NRG3: variants seen among roughly 807,000 people sequenced by gnomAD.
NRG3 encodes pro-neuregulin-3, membrane-bound isoform.
In NRG3, 31 loss-of-function variants were observed where a neutral mutation model predicts 66.9. The ratio of observed to expected loss-of-function variants is 0.46; its 90% CI spans 0.35 to 0.63. The LOEUF is 0.63. Among genes scored for constraint, NRG3 ranks in the 20% least tolerant of loss-of-function variants. The pLI is 0.00. For missense variants in NRG3, 910 were observed against 878.9 expected, an observed-to-expected ratio of 1.04 and a Z score of -0.45; for synonymous variants, 393 against 359.4, an observed-to-expected ratio of 1.09 and a Z score of -1.06.
chr10:82,449,308 CAT>C (rs541904453), intron 2 of NRG3, among the ~76,000 whole-genome samples: 152 of 152,260 alleles, frequency 1.0e-3, no homozygotes, highest in African/African-American at 3.4e-3. Flanking sequence ...TTTTGCAAAA[CAT>C]AAAGTCAGCT....
intron 8 of NRG3, chr10:82,984,878 TCA>T (rs1252055715): frequency 1.4e-6 from 2 of 1,398,624 alleles, no homozygotes; most frequent in Non-Finnish European, 2.0e-6. Context: ...GGTTTGAGTC[TCA>T]GTCTGTCACT....
chr10:81,923,179 A>G (rs1349805736), intron 1 of NRG3, among the ~76,000 whole-genome samples: 4 of 150,950 alleles, frequency 2.6e-5, no homozygotes, highest in Non-Finnish European at 5.9e-5. Context: ...TTCACTTTAA[A>G]ATCATCTTTC....
At chr10:82,358,714 T>C (rs779901106) in intron 1 of NRG3, 25 bp from the exon 2 acceptor site, 1 of 1,613,802 alleles carries the variant, frequency 6.2e-7, no homozygotes, top group Non-Finnish European at 8.5e-7. Context: ...GCTGACAGCG[T>C]TTCCCCCTGT....
chr10:82,966,244 C>A (rs964742950), intron 6 of NRG3, among the ~76,000 whole-genome samples: 1 of 152,140 alleles, frequency 6.6e-6, no homozygotes, highest in Non-Finnish European at 1.5e-5. Context: ...GTTCTAATCC[C>A]AGGTACCGCA....
intron 1 of NRG3, among the ~76,000 whole-genome samples, chr10:82,290,072 A>G (rs11193507): frequency 0.15 from 22,268 of 152,136 alleles, 3,709 homozygotes; most frequent in African/African-American, 0.4. Flanking sequence ...CTCTAACTAC[A>G]AACTCCCCCT....
intron 1 of NRG3, among the ~76,000 whole-genome samples, chr10:82,348,519 C>G (rs2083189335): frequency 6.7e-6 from 1 of 149,740 alleles, no homozygotes; most frequent in Non-Finnish European, 1.5e-5. Flanking sequence ...TTCATTTCAA[C>G]TTTGGTGAAT....
chr10:82,258,653 T>C (rs537342247), intron 1 of NRG3, among the ~76,000 whole-genome samples: 95 of 152,298 alleles, frequency 6.2e-4, no homozygotes, highest in African/African-American at 2.1e-3. Flanking sequence ...AAAAGACACA[T>C]CGAGTGCCAG....
chr10:82,382,094 A>G (rs1019363588), intron 2 of NRG3, among the ~76,000 whole-genome samples: 29 of 152,046 alleles, frequency 1.9e-4, no homozygotes, highest in African/African-American at 6.3e-4. Flanking sequence ...TTTTAAAAAC[A>G]TATTTTCCTG....
chr10:82,893,957 G>A (rs1843412206), intron 4 of NRG3, among the ~76,000 whole-genome samples: 1 of 152,072 alleles, frequency 6.6e-6, no homozygotes, highest in Admixed American at 6.6e-5. Context: ...GACAAAAGTT[G>A]GTTATTAAAA....
At chr10:82,506,119 G>A (rs1251883982) in intron 2 of NRG3, among the ~76,000 whole-genome samples, 3 of 152,266 alleles carry the variant, frequency 2.0e-5, no homozygotes, top group Admixed American at 6.5e-5. Flanking sequence ...ATGGTGGCAC[G>A]TGCCTGTAAC....
At chr10:82,890,370 T>G (rs1451162523) in intron 4 of NRG3, among the ~76,000 whole-genome samples, 1 of 152,084 alleles carries the variant, frequency 6.6e-6, no homozygotes, top group African/African-American at 2.4e-5. Context: ...CTCAAAACCA[T>G]AACCAAAACA....
chr10:82,404,753 G>T (rs917623141), intron 2 of NRG3, among the ~76,000 whole-genome samples: 2 of 152,024 alleles, frequency 1.3e-5, no homozygotes, highest in African/African-American at 4.8e-5. Context: ...AATCTTATGG[G>T]GTCTGAGTTA....
intron 4 of NRG3, among the ~76,000 whole-genome samples, chr10:82,890,087 A>T (rs1321777121): frequency 1.3e-5 from 2 of 151,310 alleles, no homozygotes; most frequent in Non-Finnish European, 2.9e-5. Context: ...TGCTATGGGA[A>T]CCTTATTAGA....
intron 2 of NRG3, among the ~76,000 whole-genome samples, chr10:82,512,671 T>C (rs908281692): frequency 1.3e-5 from 2 of 152,230 alleles, no homozygotes; most frequent in Non-Finnish European, 2.9e-5. Flanking sequence ...ACTCCTTCAT[T>C]GCATGCTATT....
At chr10:81,996,381 A>G (rs541088542) in intron 1 of NRG3, among the ~76,000 whole-genome samples, 5 of 152,288 alleles carry the variant, frequency 3.3e-5, no homozygotes, top group South Asian at 2.1e-4. Flanking sequence ...CAAATGGCTT[A>G]TGGAGCTCTA....
intron 1 of NRG3, among the ~76,000 whole-genome samples, chr10:82,264,594 A>G (rs2078205183): frequency 6.6e-6 from 1 of 152,192 alleles, no homozygotes; most frequent in Non-Finnish European, 1.5e-5. Flanking sequence ...ACATGGAGTA[A>G]AGGGAAGAAT....
At chr10:82,957,463 T>C (rs898857569) in intron 5 of NRG3, among the ~76,000 whole-genome samples, 2 of 151,878 alleles carry the variant, frequency 1.3e-5, no homozygotes, top group Admixed American at 6.6e-5. Context: ...ATGATTCTAC[T>C]GGGAAAGTTG....
chr10:82,754,850 G>A lies in NRG3; in HGVS notation c.1027+16200G>A, dbSNP rs542021396. The stretch of plus-strand genomic sequence containing the variant: ...CTCATTACTGGTGTGTAATATCATG[G>A]TACCAGACATTACTAATATGTAAGG... On this transcript the variant is annotated intron_variant, in intron 3 of 8. Coordinates refer to ENST00000372141, the MANE Select transcript of NRG3 (RefSeq NM_001010848.4). 2.6e-5 allele frequency among the ~76,000 whole-genome samples: 4 copies of A among 152,190 alleles called. No individual in the cohort carries two copies. In the South Asian group the frequency reaches 8.3e-4, roughly 32 times the overall value.
intron 1 of NRG3, among the ~76,000 whole-genome samples, chr10:82,240,379 A>G (rs2076955989): frequency 6.6e-6 from 1 of 151,946 alleles, no homozygotes; most frequent in Non-Finnish European, 1.5e-5. Flanking sequence ...AGATACATAT[A>G]AAATGCATGT....
Sources: gnomAD v4.1 joint callset for allele counts (sites outside exome capture counted in the v4.1 genomes callset) on GRCh38, gnomAD v4.1.1 for gene constraint, MANE v1.5 for transcripts, NCBI Gene and HGNC (gene_info 2026-07-23, HGNC 2026-07-21) for gene names.